Variants in NAA30 observed in about 807,000 individuals in gnomAD.
NAA30 encodes the protein N-alpha-acetyltransferase 30, NatC catalytic subunit.
NAA30 carries 5 observed loss-of-function variants against 31.4 expected under a neutral mutation model. The observed-to-expected ratio is 0.16, with a 90% CI of 0.08 to 0.33. The LOEUF is 0.33. NAA30 is among the 10% of genes least tolerant of loss of function. The pLI is 1.00. For synonymous variants in NAA30, 222 were observed against 207.1 expected (o/e 1.07, Z -0.62); for missense variants, 428 against 490.8 (o/e 0.87, Z 1.21).
intron 4 of NAA30, among the ~76,000 whole-genome samples, chr14:57,401,155 A>T (rs967995990): frequency 7.9e-5 from 12 of 152,346 alleles, no homozygotes; most frequent in East Asian, 1.9e-4. Context: ...ATTAGCAATA[A>T]TAATTGCTTT....
rs1452388336 is a variant in NAA30, at chr14:57,410,112, T to C, written c.*596T>C. ...CAGTGCCTGTGTAGATAAGTATATTTGTCTTCATCTCTAGTTTTTGAATGC... is the reference window on the plus strand; with the variant it reads ...CAGTGCCTGTGTAGATAAGTATATTCGTCTTCATCTCTAGTTTTTGAATGC... On this transcript the variant is annotated 3_prime_UTR_variant, in exon 5 of 5. Coordinates refer to ENST00000556492, the MANE Select transcript of NAA30 (RefSeq NM_001011713.3). 6.6e-6 allele frequency: 1 copy of C among 152,494 alleles called. No individual in the cohort carries two copies. Among genetic ancestry groups the C allele is most frequent in the African/African-American group, 2.4e-5 (1 of 41,400 alleles). 9.4% of individuals were successfully genotyped at this position (152,494 alleles called of 1,614,324 possible).
rs941262861 is a variant in NAA30, at chr14:57,414,492, T to C, written c.*4976T>C. The C allele has an allele frequency of 6.6e-6, 1 of 152,228 alleles. No individual in the cohort carries two copies. The highest frequency in any genetic ancestry group is 2.4e-5 in the African/African-American group (1 of 41,466). The allele number at this position is 152,228 out of a possible 1,614,324, so 9.4% of individuals were successfully genotyped here. On this transcript the variant is annotated 3_prime_UTR_variant, in exon 5 of 5. Transcript: ENST00000556492. The stretch of plus-strand genomic sequence containing the variant: ...CCTTTTTAGCCTTAAAATATTTGTA[T>C]AGTTGGCTCTAATAATTTCTCATTT...
In NAA30 at chr14:57,411,617, TTGAC is replaced by T. The variant is rs1420838047; in HGVS notation, c.*2105_*2108del. ...GACCTTTTCCTCCAAAATTGCCAAATTGACTGAACTGGTTGGGTGTTTGTAAAGA... is the reference window on the plus strand; with the variant it reads ...GACCTTTTCCTCCAAAATTGCCAAATTGAACTGGTTGGGTGTTTGTAAAGA... On this transcript the variant is annotated 3_prime_UTR_variant, in exon 5 of 5. Coordinates refer to ENST00000556492, the MANE Select transcript of NAA30 (RefSeq NM_001011713.3). 2.0e-5 allele frequency: 3 copies of T among 152,242 alleles called. No individual in the cohort carries two copies. The East Asian group carries it at 5.8e-4, about 29-fold the overall frequency. 9.4% of individuals were successfully genotyped at this position (152,242 alleles called of 1,614,324 possible).
chr14:57,412,229 A>G lies in NAA30; in HGVS notation c.*2713A>G, dbSNP rs2066526722. 1 of 152,182 alleles carries G rather than the reference A, an allele frequency of 6.6e-6. No homozygotes were observed. The highest frequency in any genetic ancestry group is 1.5e-5 in the Non-Finnish European group (1 of 68,022). 9.4% of individuals were successfully genotyped at this position (152,182 alleles called of 1,614,324 possible). On this transcript the variant is annotated 3_prime_UTR_variant, in exon 5 of 5. Transcript: ENST00000556492. Reference sequence around the variant, plus strand: ...GAAGTTGAAACCAGCAAAATAAGAAAAAATAAAAAATCGATTTTAATATTT... The same window carrying G: ...GAAGTTGAAACCAGCAAAATAAGAAGAAATAAAAAATCGATTTTAATATTT...
Position 57,391,070 on chromosome 14 carries a change from G to T in NAA30, c.113G>T (p.Cys38Phe), listed in dbSNP as rs760703144. Residue 38 changes from cysteine (C) to phenylalanine (F), a missense_variant, in exon 2 of 5, where the codon TGC (cysteine) becomes TTC (phenylalanine). By Grantham distance (205) the Cys-to-Phe change is radical (BLOSUM62 -2). This residue lies in a region of NAA30 where 349 missense variants were observed against 310.4 expected (regional missense o/e 1.12). Transcript: ENST00000556492. The surrounding 1 kb of genome is among the most constrained non-coding windows in gnomAD (Gnocchi z 4.1). Reference sequence around the variant, plus strand: ...CCGGCGGGGGCCGCCCTCGCCTGCTGCAGCGAGGACGAGGAGGACGACGAA... The same window carrying T: ...CCGGCGGGGGCCGCCCTCGCCTGCTTCAGCGAGGACGAGGAGGACGACGAA... ...PFPAGAALAC[C>F]SEDEEDDEEH... is the part of the protein sequence containing the mutation. The T allele has an allele frequency of 2.6e-6, 4 of 1,533,950 alleles. No homozygotes were observed. The highest frequency in any genetic ancestry group is 3.5e-6 in the Non-Finnish European group (4 of 1,145,650).
At chr14:57,404,760 C>T (rs1190826286) in intron 4 of NAA30, among the ~76,000 whole-genome samples, 1 of 152,106 alleles carries the variant, frequency 6.6e-6, no homozygotes, top group African/African-American at 2.4e-5. Flanking sequence ...GAGAAGAGAG[C>T]TTGTGCAGGG....
intron 4 of NAA30, among the ~76,000 whole-genome samples, chr14:57,404,254 G>A (rs2066489447): frequency 6.6e-6 from 1 of 152,086 alleles, no homozygotes. Flanking sequence ...CCCAGGAGGT[G>A]GAGGTTGCAG....
rs1174246824 is a variant in NAA30 at position 57,414,800 on chromosome 14, G to A, written c.*5284G>A. On this transcript the variant is annotated 3_prime_UTR_variant, in exon 5 of 5. Transcript: ENST00000556492. Reference sequence around the variant, plus strand: ...GGACACAAAGACAGTGCCAGGCTTGGTACAACCTGTTAACACTGTTGAGGA... The same window carrying A: ...GGACACAAAGACAGTGCCAGGCTTGATACAACCTGTTAACACTGTTGAGGA... 1.3e-5 allele frequency: 2 copies of A among 152,154 alleles called. No individual in the cohort carries two copies. The highest frequency in any genetic ancestry group is 6.5e-5 in the Admixed American group (1 of 15,270). The allele number at this position is 152,154 out of a possible 1,614,324, so 9.4% of individuals were successfully genotyped here. A position where few individuals can be genotyped will look rare whatever the true frequency, so the allele number is the denominator to read the frequency against.
At chr14:57,392,114 G>C (rs986654729) in intron 2 of NAA30, among the ~76,000 whole-genome samples, 1 of 152,142 alleles carries the variant, frequency 6.6e-6, no homozygotes, top group Non-Finnish European at 1.5e-5. Flanking sequence ...TTAGTCTCTC[G>C]ATTACAACCA....
Position 57,391,057 on chromosome 14 carries a change from G to T in NAA30, c.100G>T (p.Ala34Ser). Residue 34 changes from alanine to serine, a missense_variant, in exon 2 of 5, where the codon GCC (alanine) becomes TCC (serine). Physicochemically the swap from Ala to Ser is moderately conservative, Grantham distance 99. Transcript: ENST00000556492. This position sits in a 1 kb window ranked among gnomAD's most constrained non-coding sequence, Gnocchi z 4.1. Reference protein sequence around the residue: ...EPRCPFPAGAALACCSEDEED... With the variant: ...EPRCPFPAGASLACCSEDEED... ...CCGCTGTCCCTTCCCGGCGGGGGCC[G>T]CCCTCGCCTGCTGCAGCGAGGACGA... 1 of 1,516,698 alleles carries T rather than the reference G, an allele frequency of 6.6e-7. No homozygotes were observed. The highest frequency in any genetic ancestry group is 1.4e-5 in the African/African-American group (1 of 70,776). The allele number at this position is 1,516,698 out of a possible 1,614,324, so 94.0% of individuals were successfully genotyped here.
intron 4 of NAA30, among the ~76,000 whole-genome samples, chr14:57,404,563 T>C (rs2066490582): frequency 6.6e-6 from 1 of 152,182 alleles, no homozygotes; most frequent in Non-Finnish European, 1.5e-5. Context: ...GTTCACTACC[T>C]ACCTTTCTAG....
Position 57,409,676 on chromosome 14 carries a change from C to T in NAA30, c.*160C>T, listed in dbSNP as rs1252830344. The T allele has an allele frequency of 1.7e-6, 1 of 597,318 alleles. No individual in the cohort carries two copies. The highest frequency in any genetic ancestry group is 4.5e-5 in the South Asian group (1 of 22,218). The allele number at this position is 597,318 out of a possible 1,614,324, so 37.0% of individuals were successfully genotyped here. ...TCGCACAATATTTGTTGCACTTTGGCATGGCACATTTGTTCTGAATTAAAA... is the reference window on the plus strand; with the variant it reads ...TCGCACAATATTTGTTGCACTTTGGTATGGCACATTTGTTCTGAATTAAAA... On this transcript the variant is annotated 3_prime_UTR_variant, in exon 5 of 5. Coordinates refer to ENST00000556492, the MANE Select transcript of NAA30 (RefSeq NM_001011713.3).
intron 2 of NAA30, among the ~76,000 whole-genome samples, chr14:57,396,478 T>TTTGG (rs1326620783): frequency 1.3e-5 from 2 of 152,160 alleles, no homozygotes; most frequent in African/African-American, 2.4e-5. Flanking sequence ...TACTTGAATG[T>TTTGG]TTACCTTGTG....
chr14:57,397,591 G>T (rs537762722), intron 3 of NAA30, among the ~76,000 whole-genome samples: 3 of 152,242 alleles, frequency 2.0e-5, no homozygotes, highest in South Asian at 4.2e-4. Flanking sequence ...CTATGGCTGG[G>T]TTAGATAACT....
At chr14:57,395,886 A>T (rs2066448304) in intron 2 of NAA30, among the ~76,000 whole-genome samples, 1 of 152,148 alleles carries the variant, frequency 6.6e-6, no homozygotes, top group Non-Finnish European at 1.5e-5. Context: ...GAAAATTTTT[A>T]ATTTTTTTTT....
intron 2 of NAA30, among the ~76,000 whole-genome samples, chr14:57,394,974 A>G (rs562745947): frequency 6.6e-6 from 1 of 152,258 alleles, no homozygotes; most frequent in South Asian, 2.1e-4. Flanking sequence ...AATTTTATGT[A>G]TGTGTATGTA....
chr14:57,398,393 C>G (rs117870342), intron 3 of NAA30, among the ~76,000 whole-genome samples: 1 of 152,128 alleles, frequency 6.6e-6, no homozygotes, highest in Non-Finnish European at 1.5e-5. Flanking sequence ...TTCAGACATA[C>G]TTTGTTTGGG....
At position 57,390,652 on chromosome 14, in the gene NAA30, CGGCGGTGGCGGAGGAAGAGGAGT is replaced by C; in HGVS notation, c.-49_-27del. 2.7e-6 allele frequency: 1 copy of C among 368,292 alleles called. No homozygotes were observed. Among genetic ancestry groups the C allele is most frequent in the Non-Finnish European group, 4.8e-6 (1 of 207,264 alleles). The allele number at this position is 368,292 out of a possible 1,614,324, so 22.8% of individuals were successfully genotyped here. A position where few individuals can be genotyped will look rare whatever the true frequency, so the allele number is the denominator to read the frequency against. On this transcript the variant is annotated 5_prime_UTR_variant, in exon 1 of 5. Transcript: ENST00000556492. ...GCTGCCGCGGCTGCGAAGGAGGCGG[CGGCGGTGGCGGAGGAAGAGGAGT>C]GGCGGCAGCGGCGGCGGGGACCCGT...
chr14:57,405,837 T>C (rs1218711448), intron 4 of NAA30, among the ~76,000 whole-genome samples: 1 of 152,194 alleles, frequency 6.6e-6, no homozygotes, highest in Non-Finnish European at 1.5e-5. Flanking sequence ...TATTAAAAAA[T>C]ACTATCTTAA....
Sources: gnomAD v4.1 joint callset for allele counts (sites outside exome capture counted in the v4.1 genomes callset) on GRCh38, gnomAD v4.1.1 for gene constraint, gnomAD v4.1.1 regional missense constraint, Gnocchi (gnomAD v3.1) non-coding constraint, MANE v1.5 for transcripts, NCBI Gene and HGNC (gene_info 2026-07-23, HGNC 2026-07-21) for gene names.